Variants in LIMK1 observed in about 807,000 individuals in gnomAD.
LIMK1 encodes LIM motif-containing protein kinase.
LIMK1 carries 21 observed loss-of-function variants against 77.6 expected under a neutral mutation model. The observed-to-expected ratio is 0.27, with a 90% confidence interval of 0.19 to 0.39. The LOEUF is 0.39. Ranked by LOEUF, LIMK1 falls within the 10% of genes least tolerant of loss-of-function variation. The pLI, the probability that LIMK1 is intolerant of heterozygous loss-of-function variation, is 1.00. For missense variants in LIMK1, 696 were observed against 901.6 expected (o/e 0.77, Z 2.92); for synonymous variants, 358 against 370.0 (o/e 0.97, Z 0.37).
At chr7:74,085,704 C>A in intron 1 of LIMK1, 44 bp from the exon 2 acceptor site, 2 of 1,493,852 alleles carry the variant, frequency 1.3e-6, no homozygotes, top group Non-Finnish European at 9.1e-7. Context: ...TGCACCAGAT[C>A]ACACTTCCTG....
At chr7:74,109,591 G>T (rs983700239) in intron 10 of LIMK1, 1 of 156,116 alleles carries the variant, frequency 6.4e-6, no homozygotes, top group African/African-American at 2.4e-5. Context: ...CCTGGTGGCA[G>T]GCACCTGTAA....
At chr7:74,106,637 G>A (rs1799580112) in intron 7 of LIMK1, among the ~76,000 whole-genome samples, 1 of 152,150 alleles carries the variant, frequency 6.6e-6, no homozygotes, top group Non-Finnish European at 1.5e-5. Flanking sequence ...GCAGGTGCCT[G>A]TAGTCCCAGC....
chr7:74,100,311 G>A (rs1554696341), intron 5 of LIMK1, among the ~76,000 whole-genome samples: 1 of 152,148 alleles, frequency 6.6e-6, no homozygotes, highest in Non-Finnish European at 1.5e-5. Context: ...CTAGGCTTTG[G>A]GGGTCTGTTT....
At chr7:74,107,397 A>G (rs979624000) in intron 8 of LIMK1, among the ~76,000 whole-genome samples, 2 of 152,282 alleles carry the variant, frequency 1.3e-5, no homozygotes, top group East Asian at 1.9e-4. Context: ...GCGGGAGGTC[A>G]TTGAAAGGTG....
rs1554695679 is a variant in LIMK1, at chr7:74,096,742, C to T, written c.273C>T (p.Ile91=). 1 of 1,608,620 alleles carries T rather than the reference C, an allele frequency of 6.2e-7. No homozygotes were observed. Among genetic ancestry groups the T allele is most frequent in the Non-Finnish European group, 8.5e-7 (1 of 1,176,512 alleles). ...CCTGCCATGGGTGCTCTGAGCAAAT[C>T]ACCAAGGGACTGGTTATGGTGAGCG... The part of the protein sequence containing the change: ...GESCHGCSEQ[I]TKGLVMVAGE... Residue 91 remains isoleucine (I), a synonymous_variant, in exon 3 of 16, where the codon ATC becomes ATT. Coordinates refer to ENST00000336180, the MANE Select transcript of LIMK1 (RefSeq NM_002314.4).
intron 12 of LIMK1, among the ~76,000 whole-genome samples, chr7:74,114,296 C>G (rs560786425): frequency 1.3e-5 from 2 of 152,132 alleles, no homozygotes; most frequent in Admixed American, 6.6e-5. Context: ...AATCCCAGCA[C>G]TTTGGGAGTC....
chr7:74,115,752 CG>C, intron 12 of LIMK1, 49 bp from the exon 13 acceptor site: 1 of 1,588,590 alleles, frequency 6.3e-7, no homozygotes, highest in Non-Finnish European at 8.6e-7. Flanking sequence ...GCAGGCCAAG[CG>C]GGCAGTACTA....
In LIMK1 at chr7:74,108,887, C is replaced by T; in HGVS notation, c.1153-18C>T. ...GGACCACACAGAGCCCGGGCCCAGC[C>T]TGTTTGTGCCCCGCCAGGTGAAGGT... On this transcript the variant is annotated intron_variant, in intron 9 of 15. Transcript: ENST00000336180. 6.2e-7 allele frequency: 1 copy of T among 1,611,516 alleles called. No homozygotes were observed. The highest frequency in any genetic ancestry group is 8.5e-7 in the Non-Finnish European group (1 of 1,178,394).
intron 12 of LIMK1, 55 bp downstream of exon 12, chr7:74,112,053 A>C (rs1194581649): frequency 1.4e-6 from 2 of 1,399,412 alleles, no homozygotes; most frequent in Non-Finnish European, 9.9e-7. Flanking sequence ...GAGCCCATCC[A>C]ACCCCAGCCT....
Position 74,112,017 on chromosome 7 carries a change from C to T in LIMK1, c.1410+19C>T. On this transcript the variant is annotated intron_variant, in intron 12 of 15. Transcript: ENST00000336180. ...CCGCGAGGTGAGTACCAGGGCCCCA[C>T]GTGGCTGGGTGTCAGGAGACAGCAG... 3 of 1,584,050 alleles carry T rather than the reference C, an allele frequency of 1.9e-6. No homozygotes were observed. Among genetic ancestry groups the T allele is most frequent in the Non-Finnish European group, 2.6e-6 (3 of 1,161,762 alleles).
intron 13 of LIMK1, among the ~76,000 whole-genome samples, chr7:74,116,176 C>G (rs1212132730): frequency 2.0e-5 from 3 of 152,142 alleles, no homozygotes; most frequent in African/African-American, 7.2e-5. Context: ...AGTGGATCAC[C>G]TGAGGTCAGT....
At position 74,121,825 on chromosome 7, in the gene LIMK1, G is replaced by A. The variant is rs1465701492; in HGVS notation, c.*524G>A. On this transcript the variant is annotated 3_prime_UTR_variant, in exon 16 of 16. Transcript: ENST00000336180. ...CGTTTTCCCCCCAGGGGGTGTCTAG[G>A]TAGCAACAGGTATCGAGGACTCTCC... 1 of 153,994 alleles carries A rather than the reference G, an allele frequency of 6.5e-6. No homozygotes were observed. The highest frequency in any genetic ancestry group is 2.4e-5 in the African/African-American group (1 of 41,638). 9.5% of individuals were successfully genotyped at this position (153,994 alleles called of 1,614,324 possible).
rs1554696156 is a variant in LIMK1 at position 74,099,217 on chromosome 7, C to T, written c.587C>T (p.Ser196Leu). ...CCACCGGGCTGTGGCACCGAGCACTCACACACCGTCCGCGTCCAGGGGTGA... is the reference window on the plus strand; with the variant it reads ...CCACCGGGCTGTGGCACCGAGCACTTACACACCGTCCGCGTCCAGGGGTGA... ...HGPPGCGTEH[S>L]HTVRVQGVDP... The change falls in exon 5 of 16, where the codon TCA becomes TTA. Residue 196 changes from serine to leucine, a missense_variant. Coordinates refer to ENST00000336180, the MANE Select transcript of LIMK1 (RefSeq NM_002314.4). 15 of 1,607,014 alleles carry T rather than the reference C, an allele frequency of 9.3e-6. No homozygotes were observed. Among genetic ancestry groups the T allele is most frequent in the Non-Finnish European group, 1.0e-5 (12 of 1,179,986 alleles).
In LIMK1 at chr7:74,121,030, G is replaced by A. The variant is rs782061784; in HGVS notation, c.1762G>A (p.Asp588Asn). ...SFFPITVRCC[D>N]LDPEKRPSFV... is the part of the protein sequence containing the mutation. ...CTTCCCCATCACCGTGCGCTGTTGC[G>A]ATCTGGACCCCGAGAAGAGGTGAGT... Residue 588 changes from aspartate to asparagine, a missense_variant, in exon 15 of 16, where the codon GAT (aspartate) becomes AAT (asparagine). By Grantham distance (23) the Asp-to-Asn change is conservative. Around this residue, in one of 3 missense-constraint regions of LIMK1, gnomAD observed 438 missense variants for 602.3 expected, o/e 0.73. Coordinates refer to ENST00000336180, the MANE Select transcript of LIMK1 (RefSeq NM_002314.4). 10 of 1,600,406 alleles carry A rather than the reference G, an allele frequency of 6.2e-6. No individual in the cohort carries two copies. The highest frequency in any genetic ancestry group is 4.5e-5 in the South Asian group (4 of 89,454).
chr7:74,115,826 T>C lies in LIMK1; in HGVS notation c.1435T>C (p.Phe479Leu). The C allele has an allele frequency of 6.2e-7, 1 of 1,614,112 alleles. No homozygotes were observed. The highest frequency in any genetic ancestry group is 1.7e-5 in the Admixed American group (1 of 59,994). Residue 479 changes from phenylalanine (F) to leucine (L), a missense_variant, in exon 13 of 16, where the codon TTC becomes CTC. Phe to Leu is a conservative substitution (Grantham distance 22). Transcript: ENST00000336180. ...GAACAAGAATGTGGTGGTGGCTGAC[T>C]TCGGGCTGGCGCGTCTCATGGTGGA... The part of the protein sequence containing the change: ...RENKNVVVAD[F>L]GLARLMVDEK...
At position 74,115,874 on chromosome 7, in the gene LIMK1, C is replaced by T. The variant is rs1007831573; in HGVS notation, c.1483C>T (p.Leu495=). 1 of 1,614,180 alleles carries T rather than the reference C, an allele frequency of 6.2e-7. No homozygotes were observed. The highest frequency in any genetic ancestry group is 1.3e-5 in the African/African-American group (1 of 75,060). ...GGACGAGAAGACTCAGCCTGAGGGC[C>T]TGCGGAGCCTCAAGAAGCCAGACCG... ...MVDEKTQPEG[L]RSLKKPDRKK... Residue 495 remains leucine (L), a synonymous_variant, in exon 13 of 16, where the codon CTG becomes TTG. Transcript: ENST00000336180.
intron 5 of LIMK1, among the ~76,000 whole-genome samples, chr7:74,103,249 CTTTTTTTTTTTT>C (rs1233300842): frequency 3.6e-4 from 49 of 135,394 alleles, no homozygotes; most frequent in African/African-American, 1.2e-3. Flanking sequence ...AATGTTTTTC[CTTTTTTTTTTTT>C]TTTTTTTTAA....
At chr7:74,120,662 C>T (rs531307159) in intron 14 of LIMK1, 24 bp downstream of exon 14, 38 of 1,613,192 alleles carry the variant, frequency 2.4e-5, no homozygotes, top group Admixed American at 2.2e-4. Flanking sequence ...TGGGTAGCAG[C>T]GGTGTTGAGG....
At chr7:74,092,803 C>T (rs1799262492) in intron 2 of LIMK1, among the ~76,000 whole-genome samples, 1 of 152,176 alleles carries the variant, frequency 6.6e-6, no homozygotes, top group Admixed American at 6.5e-5. Context: ...TTGGCGAAGA[C>T]AAACTGTCCA....
Sources: allele counts gnomAD v4.1 joint callset (sites outside exome capture counted in the v4.1 genomes callset), GRCh38; gene constraint gnomAD v4.1.1; regional missense constraint gnomAD v4.1.1; transcripts MANE v1.5; gene names NCBI Gene and HGNC (gene_info 2026-07-23, HGNC 2026-07-21).